Variants in AMMECR1L observed in about 807,000 individuals in gnomAD.
The protein encoded by AMMECR1L is AMMECR1 like, also known as AMMECR1-like protein.
Under a neutral mutation model 36.8 loss-of-function variants are expected in AMMECR1L, and 4 were observed. The observed-to-expected ratio is 0.11, with a 90% CI of 0.05 to 0.25. The LOEUF is 0.25. AMMECR1L is among the 10% of genes least tolerant of loss of function. The pLI, the probability that AMMECR1L is intolerant of heterozygous loss-of-function variation, is 1.00. For missense variants in AMMECR1L, 232 were observed against 392.1 expected (o/e 0.59, Z 3.45); for synonymous variants, 147 against 148.0 (o/e 0.99, Z 0.05).
At position 127,873,699 on chromosome 2, in the gene AMMECR1L, C is replaced by T; in HGVS notation, c.407+129G>A. ...TAAATATTCTCTGGACATTTCTTAT[C>T]ATTCTCTTCCCATTACCCTTTCCTC... On this transcript the variant is annotated intron_variant, in intron 3 of 7. Coordinates refer to ENST00000272647, the MANE Select transcript of AMMECR1L (RefSeq NM_001199140.2). The surrounding 1 kb of genome is among the most constrained non-coding windows in gnomAD (Gnocchi z 5.2). The T allele has an allele frequency of 3.8e-6, 6 of 1,561,068 alleles. No individual in the cohort carries two copies. In the South Asian group the frequency reaches 7.1e-5, roughly 19 times the overall value.
At chr2:127,867,258 G>C in intron 6 of AMMECR1L, 1 of 985,462 alleles carries the variant, frequency 1.0e-6, no homozygotes, top group Non-Finnish European at 1.2e-6. Context: ...CTTCCTGTCA[G>C]ATGTTACCCC....
rs1384619799 is a variant in AMMECR1L, at chr2:127,862,503, TAC to T, written c.*2589_*2590del. 1.3e-5 allele frequency: 2 copies of T among 153,652 alleles called. No homozygotes were observed. Among genetic ancestry groups the T allele is most frequent in the Admixed American group, 1.3e-4 (2 of 15,288 alleles). The allele number at this position is 153,652 out of a possible 1,614,324, so 9.5% of individuals were successfully genotyped here. ...GGTATTTTTCCTGAGAGCCACCTGC[TAC>T]ACACTTTCATGAGGCGACCGTGACC... On this transcript the variant is annotated 3_prime_UTR_variant, in exon 8 of 8. Coordinates refer to ENST00000272647, the MANE Select transcript of AMMECR1L (RefSeq NM_001199140.2).
At chr2:127,867,269 A>G (rs1690731291) in intron 6 of AMMECR1L, 1 of 985,460 alleles carries the variant, frequency 1.0e-6, no homozygotes, top group Non-Finnish European at 1.2e-6. Flanking sequence ...ATGTTACCCC[A>G]GTATAATTAT....
intron 1 of AMMECR1L, chr2:127,885,339 G>A: frequency 2.0e-6 from 2 of 984,380 alleles, no homozygotes; most frequent in African/African-American, 3.5e-5. Flanking sequence ...GGGGAGTTGG[G>A]GAGACGATGG....
Position 127,869,383 on chromosome 2 carries a change from C to A in AMMECR1L, c.724+71G>T. 1 of 1,427,912 alleles carries A rather than the reference C, an allele frequency of 7.0e-7. No individual in the cohort carries two copies. Among genetic ancestry groups the A allele is most frequent in the Non-Finnish European group, 9.9e-7 (1 of 1,011,792 alleles). The allele number at this position is 1,427,912 out of a possible 1,614,324, so 88.5% of individuals were successfully genotyped here. A position where few individuals can be genotyped will look rare whatever the true frequency, so the allele number is the denominator to read the frequency against. The stretch of plus-strand genomic sequence containing the variant: ...AGTTGGGCTGCAAGATGACACACTT[C>A]ACTTTCTTGCCCTTTAACTGGCACC... On this transcript the variant is annotated intron_variant, in intron 6 of 7. Coordinates refer to ENST00000272647, the MANE Select transcript of AMMECR1L (RefSeq NM_001199140.2). The surrounding 1 kb of genome is among the most constrained non-coding windows in gnomAD (Gnocchi z 4.7).
rs1690568609 is a variant in AMMECR1L at position 127,863,831 on chromosome 2, A to G, written c.*1263T>C. The G allele has an allele frequency of 6.5e-6, 1 of 152,684 alleles. No homozygotes were observed. Among genetic ancestry groups the G allele is most frequent in the Non-Finnish European group, 1.5e-5 (1 of 68,050 alleles). 9.5% of individuals were successfully genotyped at this position (152,684 alleles called of 1,614,324 possible). On this transcript the variant is annotated 3_prime_UTR_variant, in exon 8 of 8. Coordinates refer to ENST00000272647, the MANE Select transcript of AMMECR1L (RefSeq NM_001199140.2). ...AGTGAAGAATAGGCAAGGAGAGAGG[A>G]AAAAATTGCTGACAGCGATTTGGAA... is the stretch of plus-strand genomic sequence containing the variant.
chr2:127,878,719 A>G (rs1399365421), intron 2 of AMMECR1L, among the ~76,000 whole-genome samples: 1 of 152,156 alleles, frequency 6.6e-6, no homozygotes, highest in Non-Finnish European at 1.5e-5. Context: ...CAGTTCCCCA[A>G]CATCTTCCAA....
intron 2 of AMMECR1L, among the ~76,000 whole-genome samples, chr2:127,875,276 G>A (rs973731778): frequency 5.3e-5 from 8 of 152,094 alleles, no homozygotes; most frequent in African/African-American, 1.7e-4. Context: ...GGAAAATAGA[G>A]CCTAGTTATT....
At position 127,861,691 on chromosome 2, in the gene AMMECR1L, CAG is replaced by C. The variant is rs1390367952; in HGVS notation, c.*3401_*3402del. On this transcript the variant is annotated 3_prime_UTR_variant, in exon 8 of 8. Transcript: ENST00000272647. The stretch of plus-strand genomic sequence containing the variant: ...GTTAAAGTGTTCAATGATTTGCACT[CAG>C]AAGTTATATAGCCAAGAGGCAACCA... 1 of 152,158 alleles carries C rather than the reference CAG, an allele frequency of 6.6e-6. No individual in the cohort carries two copies. Among genetic ancestry groups the C allele is most frequent in the Non-Finnish European group, 1.5e-5 (1 of 68,030 alleles). 9.4% of individuals were successfully genotyped at this position (152,158 alleles called of 1,614,324 possible). A position where few individuals can be genotyped will look rare whatever the true frequency, so the allele number is the denominator to read the frequency against.
chr2:127,878,622 AG>A (rs1477523422), intron 2 of AMMECR1L, among the ~76,000 whole-genome samples: 1 of 152,214 alleles, frequency 6.6e-6, no homozygotes, highest in Non-Finnish European at 1.5e-5. Flanking sequence ...GATGAACTCA[AG>A]TCCAGAAGAT....
At chr2:127,868,359 T>C (rs756880259) in intron 6 of AMMECR1L, among the ~76,000 whole-genome samples, 46 of 151,868 alleles carry the variant, frequency 3.0e-4, no homozygotes, top group Non-Finnish European at 5.9e-4. Context: ...TTGTACAGAG[T>C]GTGTTAGGTT....
Position 127,869,384 on chromosome 2 carries a change from A to C in AMMECR1L, c.724+70T>G. 1 of 1,434,312 alleles carries C rather than the reference A, an allele frequency of 7.0e-7. No homozygotes were observed. Among genetic ancestry groups the C allele is most frequent in the Non-Finnish European group, 9.8e-7 (1 of 1,017,388 alleles). The allele number at this position is 1,434,312 out of a possible 1,614,324, so 88.8% of individuals were successfully genotyped here. A position where few individuals can be genotyped will look rare whatever the true frequency, so the allele number is the denominator to read the frequency against. On this transcript the variant is annotated intron_variant, in intron 6 of 7. Coordinates refer to ENST00000272647, the MANE Select transcript of AMMECR1L (RefSeq NM_001199140.2). This position sits in a 1 kb window ranked among gnomAD's most constrained non-coding sequence, Gnocchi z 4.7. ...GTTGGGCTGCAAGATGACACACTTCACTTTCTTGCCCTTTAACTGGCACCA... is the reference window on the plus strand; with the variant it reads ...GTTGGGCTGCAAGATGACACACTTCCCTTTCTTGCCCTTTAACTGGCACCA...
In AMMECR1L at chr2:127,863,161, T is replaced by A. The variant is rs1188400132; in HGVS notation, c.*1933A>T. 6.6e-6 allele frequency: 1 copy of A among 152,554 alleles called. No individual in the cohort carries two copies. The highest frequency in any genetic ancestry group is 1.5e-5 in the Non-Finnish European group (1 of 68,034). The allele number at this position is 152,554 out of a possible 1,614,324, so 9.5% of individuals were successfully genotyped here. A position where few individuals can be genotyped will look rare whatever the true frequency, so the allele number is the denominator to read the frequency against. Reference sequence around the variant, plus strand: ...TACAAATTGGAGGTGGGTGGCTTAGTCCAGAGCTGACCACCCTGACATCGA... The same window carrying A: ...TACAAATTGGAGGTGGGTGGCTTAGACCAGAGCTGACCACCCTGACATCGA... On this transcript the variant is annotated 3_prime_UTR_variant, in exon 8 of 8. Coordinates refer to ENST00000272647, the MANE Select transcript of AMMECR1L (RefSeq NM_001199140.2).
intron 2 of AMMECR1L, among the ~76,000 whole-genome samples, chr2:127,878,223 C>T (rs1199056393): frequency 6.6e-6 from 1 of 152,092 alleles, no homozygotes; most frequent in African/African-American, 2.4e-5. Flanking sequence ...ATCCCCTCAT[C>T]CAGGGTCATT....
chr2:127,862,877 T>C lies in AMMECR1L; in HGVS notation c.*2217A>G, dbSNP rs972912175. ...CGTACCCCCCCTCGATAAAATAAAA[T>C]AAAATAAAATAAAATAATAAAATAA... On this transcript the variant is annotated 3_prime_UTR_variant, in exon 8 of 8. Transcript: ENST00000272647. The C allele has an allele frequency of 6.6e-6, 1 of 151,454 alleles. No individual in the cohort carries two copies. The highest frequency in any genetic ancestry group is 1.5e-5 in the Non-Finnish European group (1 of 67,900). The allele number at this position is 151,454 out of a possible 1,614,324, so 9.4% of individuals were successfully genotyped here. A position where few individuals can be genotyped will look rare whatever the true frequency, so the allele number is the denominator to read the frequency against.
chr2:127,874,247 C>T lies in AMMECR1L; in HGVS notation c.-13G>A. On this transcript the variant is annotated 5_prime_UTR_variant, in exon 3 of 8. Coordinates refer to ENST00000272647, the MANE Select transcript of AMMECR1L (RefSeq NM_001199140.2). The surrounding 1 kb of genome is among the most constrained non-coding windows in gnomAD (Gnocchi z 5.2). The stretch of plus-strand genomic sequence containing the variant: ...GTCTTTTTCCCATCCTGATTCAGTG[C>T]TCAAGGTCTGGAATGCTGCAGAACC... 1.2e-6 allele frequency: 2 copies of T among 1,613,612 alleles called. No homozygotes were observed. Among genetic ancestry groups the T allele is most frequent in the Non-Finnish European group, 1.7e-6 (2 of 1,179,916 alleles).
Position 127,871,486 on chromosome 2 carries a change from TACCCGAAGGACTCTCTGCCTTTCTGAAA to T in AMMECR1L, c.408-155_408-128del, listed in dbSNP as rs1407882340. On this transcript the variant is annotated intron_variant, in intron 3 of 7. Transcript: ENST00000272647. This position sits in a 1 kb window ranked among gnomAD's most constrained non-coding sequence, Gnocchi z 4.3. ...AATCCCTGTTTTTGGACTTGCCAGC[TACCCGAAGGACTCTCTGCCTTTCTGAAA>T]ACGGCACAGCCCCTGGCTGGAAACG... The T allele has an allele frequency of 5.6e-6, 5 of 893,188 alleles. No homozygotes were observed. In the African/African-American group the frequency reaches 6.7e-5, roughly 12 times the overall value. The allele number at this position is 893,188 out of a possible 1,614,324, so 55.3% of individuals were successfully genotyped here. A position where few individuals can be genotyped will look rare whatever the true frequency, so the allele number is the denominator to read the frequency against.
Position 127,871,912 on chromosome 2 carries a change from G to C in AMMECR1L, c.408-553C>G, listed in dbSNP as rs1047656346. 1.1e-4 allele frequency among the ~76,000 whole-genome samples: 16 copies of C among 152,124 alleles called. No homozygotes were observed. The highest frequency in any genetic ancestry group is 3.4e-4 in the African/African-American group (14 of 41,428). ...TTTAAAAAAAGATTTAAAAAGGCCG[G>C]GTGCAGTGGCTCATGCCTGTAATCC... On this transcript the variant is annotated intron_variant, in intron 3 of 7. Transcript: ENST00000272647. The surrounding 1 kb of genome is among the most constrained non-coding windows in gnomAD (Gnocchi z 4.3).
chr2:127,875,816 A>G (rs1691211783), intron 2 of AMMECR1L, among the ~76,000 whole-genome samples: 1 of 151,772 alleles, frequency 6.6e-6, no homozygotes, highest in South Asian at 2.1e-4. Context: ...TCTTTAAGAG[A>G]CAGGTCTCAT....
Sources: allele counts gnomAD v4.1 joint callset (sites outside exome capture counted in the v4.1 genomes callset), GRCh38; gene constraint gnomAD v4.1.1; non-coding constraint Gnocchi (gnomAD v3.1); transcripts MANE v1.5; gene names NCBI Gene and HGNC (gene_info 2026-07-23, HGNC 2026-07-21).